The following KCNH5 variants were observed in gnomAD, a reference collection of about 807,000 sequenced individuals.
KCNH5 encodes potassium voltage-gated channel subfamily H member 5.
In KCNH5, 46 loss-of-function variants were observed where a neutral mutation model predicts 96.1. That is an observed-to-expected ratio of 0.48 (90% CI 0.38 to 0.61). The LOEUF is 0.61. Among genes scored for constraint, KCNH5 ranks in the 20% least tolerant of loss-of-function variants. The pLI, the probability that KCNH5 is intolerant of heterozygous loss-of-function variation, is 0.00. For synonymous variants in KCNH5, 439 were observed against 449.8 expected, an observed-to-expected ratio of 0.98 and a Z score of 0.30; for missense variants, 907 against 1,225.8, an observed-to-expected ratio of 0.74 and a Z score of 3.88.
intron 7 of KCNH5, among the ~76,000 whole-genome samples, chr14:62,904,857 C>T (rs1888997103): frequency 6.6e-6 from 1 of 152,144 alleles, no homozygotes; most frequent in Non-Finnish European, 1.5e-5. Context: ...AACCCTACCA[C>T]CAATGTTAAT....
chr14:62,757,368 G>A (rs1255737405), intron 10 of KCNH5, among the ~76,000 whole-genome samples: 1 of 152,128 alleles, frequency 6.6e-6, no homozygotes, highest in African/African-American at 2.4e-5. Flanking sequence ...ACAGCACTAT[G>A]GAGAACAGTT....
intron 10 of KCNH5, among the ~76,000 whole-genome samples, chr14:62,727,105 C>T (rs1342201290): frequency 6.6e-6 from 1 of 152,114 alleles, no homozygotes; most frequent in Non-Finnish European, 1.5e-5. Flanking sequence ...TGGCTTGTGC[C>T]TATAATCCCA....
chr14:62,955,014 G>C (rs563761570), intron 6 of KCNH5, among the ~76,000 whole-genome samples: 36 of 150,212 alleles, frequency 2.4e-4, no homozygotes, highest in Admixed American at 2.3e-3. Flanking sequence ...TTTGGGTGGG[G>C]AAACAGCCAA....
At chr14:62,753,289 T>G (rs1268041077) in intron 10 of KCNH5, among the ~76,000 whole-genome samples, 2 of 151,984 alleles carry the variant, frequency 1.3e-5, no homozygotes, top group Non-Finnish European at 2.9e-5. Flanking sequence ...AGACAGGCTA[T>G]TTGAAAATAG....
chr14:62,811,195 A>AT (rs1886866417), intron 8 of KCNH5, among the ~76,000 whole-genome samples: 1 of 152,142 alleles, frequency 6.6e-6, no homozygotes, highest in Non-Finnish European at 1.5e-5. Flanking sequence ...CAAAGATGTA[A>AT]CCTCCACATT....
intron 7 of KCNH5, among the ~76,000 whole-genome samples, chr14:62,882,323 GAGA>G (rs1482597246): frequency 6.6e-6 from 1 of 152,088 alleles, no homozygotes; most frequent in African/African-American, 2.4e-5. Context: ...CTGATCATCT[GAGA>G]AGACCACAGA....
chr14:62,854,769 T>C (rs1301036849), intron 7 of KCNH5, among the ~76,000 whole-genome samples: 2 of 151,824 alleles, frequency 1.3e-5, no homozygotes, highest in African/African-American at 2.4e-5. Context: ...AAATCTGGCA[T>C]ACATACCAGC....
intron 10 of KCNH5, among the ~76,000 whole-genome samples, chr14:62,753,678 G>T (rs910607260): frequency 6.6e-6 from 1 of 152,122 alleles, no homozygotes; most frequent in Non-Finnish European, 1.5e-5. Flanking sequence ...GGCCAGGAGA[G>T]AGTGGCATAA....
intron 10 of KCNH5, among the ~76,000 whole-genome samples, chr14:62,768,531 T>C (rs1400710814): frequency 6.6e-6 from 1 of 152,216 alleles, no homozygotes; most frequent in Non-Finnish European, 1.5e-5. Context: ...AGATGCATTA[T>C]GGTGAGGCAG....
At chr14:62,840,483 G>T (rs1887554050) in intron 8 of KCNH5, among the ~76,000 whole-genome samples, 1 of 151,412 alleles carries the variant, frequency 6.6e-6, no homozygotes, top group South Asian at 2.1e-4. Flanking sequence ...AGCTGGCAAT[G>T]AACCAGATGC....
chr14:62,853,468 T>TATGATATATATATATATATG (rs1555360167), intron 7 of KCNH5, among the ~76,000 whole-genome samples: 11 of 124,394 alleles, frequency 8.8e-5, no homozygotes, highest in African/African-American at 2.8e-4. Flanking sequence ...TATATATATA[T>TATGATATATATATATATATG]ATATATATAT....
intron 1 of KCNH5, among the ~76,000 whole-genome samples, chr14:63,031,033 T>G (rs532349222): frequency 6.6e-6 from 1 of 151,832 alleles, no homozygotes; most frequent in Non-Finnish European, 1.5e-5. Flanking sequence ...GACCCCAAAA[T>G]GCACCCATCT....
Position 62,705,046 on chromosome 14 carries a change from T to C in KCNH5, c.*2462A>G, listed in dbSNP as rs1478225710. Reference sequence around the variant, plus strand: ...ATGGCTGAAAAGACACTATGATAACTGCACCATAATTAAACAATTGATACT... The same window carrying C: ...ATGGCTGAAAAGACACTATGATAACCGCACCATAATTAAACAATTGATACT... On this transcript the variant is annotated 3_prime_UTR_variant, in exon 11 of 11. Coordinates refer to ENST00000322893, the MANE Select transcript of KCNH5 (RefSeq NM_139318.5). 3.3e-5 allele frequency: 5 copies of C among 151,984 alleles called. No homozygotes were observed. The highest frequency in any genetic ancestry group is 1.2e-4 in the African/African-American group (5 of 41,434). 9.4% of individuals were successfully genotyped at this position (151,984 alleles called of 1,614,324 possible). A position where few individuals can be genotyped will look rare whatever the true frequency, so the allele number is the denominator to read the frequency against.
At chr14:62,853,455 TCA>T (rs1491469106) in intron 7 of KCNH5, among the ~76,000 whole-genome samples, 2 of 71,756 alleles carry the variant, frequency 2.8e-5, no homozygotes, top group Non-Finnish European at 6.1e-5. Context: ...AAAAGAATAA[TCA>T]TATATATATA....
chr14:62,773,586 A>C (rs1886035087), intron 10 of KCNH5, among the ~76,000 whole-genome samples: 1 of 152,218 alleles, frequency 6.6e-6, no homozygotes, highest in Non-Finnish European at 1.5e-5. Context: ...TCTGTGCCAC[A>C]CTTCAACAAA....
At chr14:62,725,752 T>C (rs547605922) in intron 10 of KCNH5, among the ~76,000 whole-genome samples, 2 of 152,334 alleles carry the variant, frequency 1.3e-5, no homozygotes, top group South Asian at 4.1e-4. Context: ...CATGTATTTG[T>C]TATAATCCAA....
chr14:62,924,262 C>G (rs901572178), intron 7 of KCNH5, among the ~76,000 whole-genome samples: 17 of 151,932 alleles, frequency 1.1e-4, no homozygotes, highest in African/African-American at 4.1e-4. Context: ...GTCAAAACCA[C>G]AATGAGATGT....
intron 1 of KCNH5, among the ~76,000 whole-genome samples, chr14:63,036,146 C>T (rs139257307): frequency 4.3e-4 from 65 of 152,324 alleles, no homozygotes; most frequent in African/African-American, 1.5e-3. Flanking sequence ...GAATATGTCA[C>T]ACATGTCATT....
At chr14:62,902,492 A>G (rs1411684152) in intron 7 of KCNH5, among the ~76,000 whole-genome samples, 3 of 152,156 alleles carry the variant, frequency 2.0e-5, no homozygotes, top group Non-Finnish European at 2.9e-5. Flanking sequence ...TCTTTTATAT[A>G]AAATAATGCT....
Sources: allele counts gnomAD v4.1 joint callset (sites outside exome capture counted in the v4.1 genomes callset), GRCh38; gene constraint gnomAD v4.1.1; transcripts MANE v1.5; gene names NCBI Gene and HGNC (gene_info 2026-07-23, HGNC 2026-07-21).